Variants in RBFOX1 observed in about 807,000 individuals in gnomAD.
RBFOX1 encodes RNA binding protein fox-1 homolog 1.
Under a neutral mutation model 57.7 loss-of-function variants are expected in RBFOX1, and 8 were observed. The ratio of observed to expected loss-of-function variants is 0.14; its 90% CI spans 0.08 to 0.25. The LOEUF is 0.25. Among genes scored for constraint, RBFOX1 ranks in the 10% least tolerant of loss-of-function variants. RBFOX1 has a pLI of 1.00. For missense variants in RBFOX1, 611 were observed against 548.5 expected (o/e 1.11, Z -1.14); for synonymous variants, 326 against 222.4 (o/e 1.47, Z -4.15).
intron 3 of RBFOX1, among the ~76,000 whole-genome samples, chr16:7,037,175 G>GAC: frequency 6.7e-6 from 1 of 148,192 alleles, no homozygotes; most frequent in East Asian, 2.0e-4. Flanking sequence ...ATCTTATCCT[G>GAC]TGACTTAGAA....
chr16:6,331,643 C>A (rs1348989492), intron 2 of RBFOX1, among the ~76,000 whole-genome samples: 1 of 147,876 alleles, frequency 6.8e-6, no homozygotes, highest in African/African-American at 2.5e-5. Flanking sequence ...GTTAATCTAT[C>A]TTCTGTTTTC....
intron 3 of RBFOX1, chr16:5,632,557 T>G (rs2048547449): frequency 6.6e-6 from 1 of 152,218 alleles, no homozygotes; most frequent in Admixed American, 6.5e-5. Flanking sequence ...AATTTTGGCT[T>G]CATGTAATTA....
chr16:6,914,470 C>G (rs755887528), intron 3 of RBFOX1, among the ~76,000 whole-genome samples: 2 of 151,978 alleles, frequency 1.3e-5, no homozygotes, highest in African/African-American at 2.4e-5. Flanking sequence ...GAACACAGAC[C>G]TAGGTGTCTC....
At chr16:6,883,139 A>G (rs9938451) in intron 3 of RBFOX1, among the ~76,000 whole-genome samples, 7,941 of 152,242 alleles carry the variant, frequency 0.052, 651 homozygotes, top group African/African-American at 0.18. Flanking sequence ...TCATTAAGGC[A>G]GAGGTGGGGA....
chr16:7,394,255 A>G (rs2098101421), intron 4 of RBFOX1, among the ~76,000 whole-genome samples: 2 of 150,910 alleles, frequency 1.3e-5, no homozygotes, highest in Admixed American at 6.6e-5. Flanking sequence ...AAAAAAAAAA[A>G]AAAAAAAAAG....
chr16:6,818,487 C>T (rs1301789769), intron 3 of RBFOX1, among the ~76,000 whole-genome samples: 1 of 151,944 alleles, frequency 6.6e-6, no homozygotes, highest in East Asian at 1.9e-4. Context: ...GAGTAAATGC[C>T]AGTGAGGTTT....
intron 4 of RBFOX1, among the ~76,000 whole-genome samples, chr16:7,226,463 C>T (rs1603377213): frequency 6.6e-6 from 1 of 152,262 alleles, no homozygotes; most frequent in East Asian, 1.9e-4. Flanking sequence ...TATGTGCAGC[C>T]TGCATTGACT....
At chr16:7,208,705 C>A (rs1220248180) in intron 4 of RBFOX1, among the ~76,000 whole-genome samples, 1 of 152,104 alleles carries the variant, frequency 6.6e-6, no homozygotes. Flanking sequence ...GGCATGATGG[C>A]ATATACCTGT....
At chr16:7,513,034 C>G (rs528762599) in intron 4 of RBFOX1, among the ~76,000 whole-genome samples, 1 of 152,202 alleles carries the variant, frequency 6.6e-6, no homozygotes, top group South Asian at 2.1e-4. Flanking sequence ...GAGGACAAGG[C>G]AGATGGATCA....
chr16:6,694,836 C>T (rs778190438), intron 3 of RBFOX1, among the ~76,000 whole-genome samples: 1 of 152,060 alleles, frequency 6.6e-6, no homozygotes, highest in African/African-American at 2.4e-5. Flanking sequence ...ATTGGACAGA[C>T]CTGGTCTAGA....
At chr16:6,205,661 G>C (rs567132539) in intron 1 of RBFOX1, among the ~76,000 whole-genome samples, 13 of 151,780 alleles carry the variant, frequency 8.6e-5, no homozygotes, top group Non-Finnish European at 1.5e-4. Context: ...ATCATATTTT[G>C]CTTCTCCTGA....
chr16:6,716,663 G>C lies in RBFOX1; in HGVS notation c.-16+62013G>C, dbSNP rs532758192. Among the ~76,000 whole-genome samples, 14 of 152,270 alleles carry C rather than the reference G, an allele frequency of 9.2e-5. No homozygotes were observed. In the South Asian group the frequency reaches 1.7e-3, roughly 18 times the overall value. On this transcript the variant is annotated intron_variant, in intron 3 of 15. Coordinates refer to ENST00000550418, the MANE Select transcript of RBFOX1 (RefSeq NM_018723.4). Reference sequence around the variant, plus strand: ...ACCCCAGGTATCTGCCCATGACTCAGTCTTGTTCATTCAGCATTTTCCATT... The same window carrying C: ...ACCCCAGGTATCTGCCCATGACTCACTCTTGTTCATTCAGCATTTTCCATT...
At chr16:5,270,465 C>G in intron 1 of RBFOX1, 1 of 762,210 alleles carries the variant, frequency 1.3e-6, no homozygotes, top group Non-Finnish European at 2.4e-6. Flanking sequence ...AACTGCCTGA[C>G]TAACTTCTAT....
In RBFOX1 at chr16:7,579,683, G is replaced by C. The variant is rs201857582; in HGVS notation, c.271-94G>C. ...TTCCCTTCTCAGATTGCTTAGTTCT[G>C]ATCTTTTCCTGCCACTCATGGCAAG... On this transcript the variant is annotated intron_variant, in intron 5 of 15. Coordinates refer to ENST00000550418, the MANE Select transcript of RBFOX1 (RefSeq NM_018723.4). 2.0e-5 allele frequency: 30 copies of C among 1,497,534 alleles called. No homozygotes were observed. The East Asian group carries it at 5.9e-4, about 29-fold the overall frequency. 92.8% of individuals were successfully genotyped at this position (1,497,534 alleles called of 1,614,324 possible). A position where few individuals can be genotyped will look rare whatever the true frequency, so the allele number is the denominator to read the frequency against.
At chr16:7,021,929 A>C (rs58668065) in intron 3 of RBFOX1, among the ~76,000 whole-genome samples, 32,086 of 120,080 alleles carry the variant, frequency 0.27, 4,037 homozygotes, top group East Asian at 0.47. Context: ...TTCTTTCTTT[A>C]TTTTCTTTTC....
chr16:5,600,162 A>T (rs1034829531), downstream of RBFOX1: 1 of 150,508 alleles, frequency 6.6e-6, no homozygotes, highest in Non-Finnish European at 1.5e-5. Flanking sequence ...TTAGCCAGGC[A>T]TGTTGTCAGG....
intron 4 of RBFOX1, among the ~76,000 whole-genome samples, chr16:5,938,297 G>C (rs1368307179): frequency 6.6e-6 from 1 of 152,132 alleles, no homozygotes; most frequent in African/African-American, 2.4e-5. Context: ...AGCTAGACCA[G>C]TGTCTGGAGC....
At chr16:6,061,330 C>T (rs1490767156) in intron 1 of RBFOX1, among the ~76,000 whole-genome samples, 2 of 152,072 alleles carry the variant, frequency 1.3e-5, no homozygotes, top group African/African-American at 2.4e-5. Context: ...CAACTACAAC[C>T]AATGGGTGTA....
At chr16:6,826,755 G>A (rs907963493) in intron 3 of RBFOX1, among the ~76,000 whole-genome samples, 1 of 151,948 alleles carries the variant, frequency 6.6e-6, no homozygotes. Context: ...TTATCATATT[G>A]ACTCTGAATT....
Sources: gnomAD v4.1 joint callset for allele counts (sites outside exome capture counted in the v4.1 genomes callset) on GRCh38, gnomAD v4.1.1 for gene constraint, MANE v1.5 for transcripts, NCBI Gene and HGNC (gene_info 2026-07-23, HGNC 2026-07-21) for gene names.